Variants in CACNG2 observed in about 807,000 individuals in gnomAD.
CACNG2 encodes the protein voltage-dependent calcium channel gamma-2 subunit.
CACNG2 carries 3 observed loss-of-function variants against 25.9 expected under a neutral mutation model. The ratio of observed to expected loss-of-function variants is 0.12; its 90% CI spans 0.05 to 0.30. CACNG2 has a LOEUF of 0.30. CACNG2 is among the 10% of genes least tolerant of loss of function. The probability of loss-of-function intolerance (pLI) is 1.00; values close to 1 mark genes in which losing one functional copy is unlikely to be tolerated. For missense variants in CACNG2, 341 were observed against 432.5 expected, an observed-to-expected ratio of 0.79 and a Z score of 1.88; for synonymous variants, 167 against 173.3, an observed-to-expected ratio of 0.96 and a Z score of 0.29.
rs1569049917 is a variant in CACNG2, at chr22:36,679,231, C to CTTTCTTTCTTTCTTTCTTTCTTTCT, written c.211+23134_211+23135insAGAAAGAAAGAAAGAAAGAAAGAAA. Among the ~76,000 whole-genome samples, 19 of 86,732 alleles carry CTTTCTTTCTTTCTTTCTTTCTTTCT rather than the reference C, an allele frequency of 2.2e-4. 1 individual carries two copies. The highest frequency in any genetic ancestry group is 1.1e-3 in the African/African-American group (19 of 17,372). The allele number at this position is 86,732 out of a possible 152,430, so 56.9% of individuals were successfully genotyped here. ...CTTTCTTTCTTTCTTTCTTTCTTTC[C>CTTTCTTTCTTTCTTTCTTTCTTTCT]TTCTTTCTTTCTTTCTTTTCTTTAA... On this transcript the variant is annotated intron_variant, in intron 1 of 3. Transcript: ENST00000300105.
intron 1 of CACNG2, among the ~76,000 whole-genome samples, chr22:36,660,148 C>T (rs1367164179): frequency 1.3e-5 from 2 of 152,250 alleles, no homozygotes; most frequent in African/African-American, 2.4e-5. Context: ...GTGTCATTGT[C>T]CCTCACTAGG....
At chr22:36,673,550 C>A (rs1601448657) in intron 1 of CACNG2, among the ~76,000 whole-genome samples, 1 of 152,114 alleles carries the variant, frequency 6.6e-6, no homozygotes, top group Non-Finnish European at 1.5e-5. Flanking sequence ...CAGTGCAAAG[C>A]ACCATCAGGG....
intron 1 of CACNG2, among the ~76,000 whole-genome samples, chr22:36,702,144 G>C (rs1231221161): frequency 1.3e-5 from 2 of 152,082 alleles, no homozygotes; most frequent in Admixed American, 1.3e-4. Context: ...GAGGATGTTT[G>C]AGGGGATGAG....
At chr22:36,698,707 A>T (rs1449769472) in intron 1 of CACNG2, among the ~76,000 whole-genome samples, 1 of 152,170 alleles carries the variant, frequency 6.6e-6, no homozygotes, top group Non-Finnish European at 1.5e-5. Context: ...CAGCAGAGGG[A>T]ATTTGACAGC....
At chr22:36,632,185 T>A (rs991485114) in intron 1 of CACNG2, among the ~76,000 whole-genome samples, 23 of 150,116 alleles carry the variant, frequency 1.5e-4, no homozygotes, top group Non-Finnish European at 2.2e-4. Context: ...CTTTTTTTTT[T>A]AAAAAAATGA....
rs201168353 is a variant in CACNG2, at chr22:36,702,732, T to TA, written c.-157dup. ...TATGAATAGAGAATATGGAGAGTTA[T>TA]AAAAAAAGGGAGGTAAGAAAGCTCA... On this transcript the variant is annotated 5_prime_UTR_variant, in exon 1 of 4. Coordinates refer to ENST00000300105, the MANE Select transcript of CACNG2 (RefSeq NM_006078.5). 2.5e-5 allele frequency: 15 copies of TA among 605,376 alleles called. No homozygotes were observed. The highest frequency in any genetic ancestry group is 9.4e-5 in the African/African-American group (5 of 52,962). 37.5% of individuals were successfully genotyped at this position (605,376 alleles called of 1,614,324 possible).
Position 36,561,308 on chromosome 22 carries a change from C to T in CACNG2, c.*3043G>A, listed in dbSNP as rs1284388514. On this transcript the variant is annotated 3_prime_UTR_variant, in exon 4 of 4. Coordinates refer to ENST00000300105, the MANE Select transcript of CACNG2 (RefSeq NM_006078.5). ...GGGGACCCTCCCTTCTCCCTTCGCT[C>T]TCATCCTTGATCCCTTTAGGTCTGG... The T allele has an allele frequency of 6.6e-6, 1 of 152,306 alleles. No homozygotes were observed. Among genetic ancestry groups the T allele is most frequent in the Non-Finnish European group, 1.5e-5 (1 of 68,112 alleles). The allele number at this position is 152,306 out of a possible 1,614,324, so 9.4% of individuals were successfully genotyped here.
chr22:36,602,616 C>T (rs924916306), intron 1 of CACNG2, among the ~76,000 whole-genome samples: 3 of 152,112 alleles, frequency 2.0e-5, no homozygotes, highest in Non-Finnish European at 2.9e-5. Context: ...GAACTCCTGA[C>T]CTCAGGTGAT....
chr22:36,697,409 G>A (rs996769126), intron 1 of CACNG2, among the ~76,000 whole-genome samples: 3 of 152,184 alleles, frequency 2.0e-5, no homozygotes, highest in South Asian at 2.1e-4. Flanking sequence ...CGTGGCTTGG[G>A]TCTACTGCCC....
At chr22:36,659,318 G>GT (rs1311638539) in intron 1 of CACNG2, among the ~76,000 whole-genome samples, 1 of 152,158 alleles carries the variant, frequency 6.6e-6, no homozygotes, top group Non-Finnish European at 1.5e-5. Flanking sequence ...GAGTCAGGGA[G>GT]TGGGGAGAGG....
At chr22:36,618,483 T>A (rs1216141156) in intron 1 of CACNG2, among the ~76,000 whole-genome samples, 1 of 152,252 alleles carries the variant, frequency 6.6e-6, no homozygotes, top group Non-Finnish European at 1.5e-5. Flanking sequence ...GGCTTACCTT[T>A]CTCTAGTCCT....
intron 1 of CACNG2, among the ~76,000 whole-genome samples, chr22:36,654,827 C>T (rs1936679281): frequency 6.6e-6 from 1 of 152,182 alleles, no homozygotes; most frequent in South Asian, 2.1e-4. Context: ...AACAAGTTCT[C>T]AGCTCCTTTA....
At chr22:36,570,851 G>C (rs980966999) in intron 2 of CACNG2, among the ~76,000 whole-genome samples, 2 of 151,828 alleles carry the variant, frequency 1.3e-5, no homozygotes, top group African/African-American at 4.8e-5. Context: ...CCCAGATCCA[G>C]GTGGGAAGGA....
intron 1 of CACNG2, among the ~76,000 whole-genome samples, chr22:36,698,517 G>A (rs796813843): frequency 9.2e-5 from 14 of 152,248 alleles, no homozygotes; most frequent in South Asian, 2.1e-4. Context: ...TGAGCCGAGC[G>A]TGGAGCACTG....
intron 1 of CACNG2, among the ~76,000 whole-genome samples, chr22:36,628,328 G>T (rs557989874): frequency 1.3e-5 from 2 of 152,174 alleles, no homozygotes; most frequent in Non-Finnish European, 2.9e-5. Flanking sequence ...CAACACCCTT[G>T]CCCAGATGGA....
chr22:36,617,289 A>C (rs902031199), intron 1 of CACNG2, among the ~76,000 whole-genome samples: 2 of 152,206 alleles, frequency 1.3e-5, no homozygotes, highest in African/African-American at 4.8e-5. Flanking sequence ...TTTTTTAAAA[A>C]TCCATTACAG....
chr22:36,571,546 T>C (rs546497598), intron 2 of CACNG2, among the ~76,000 whole-genome samples: 1 of 151,800 alleles, frequency 6.6e-6, no homozygotes, highest in East Asian at 2.0e-4. Context: ...AGAGCAAGAT[T>C]TGCATGCATA....
At chr22:36,632,218 C>T (rs1936283020) in intron 1 of CACNG2, among the ~76,000 whole-genome samples, 1 of 151,738 alleles carries the variant, frequency 6.6e-6, no homozygotes, top group South Asian at 2.1e-4. Flanking sequence ...TGTCGGCTGC[C>T]CCAGATGGTC....
intron 1 of CACNG2, among the ~76,000 whole-genome samples, chr22:36,656,377 G>A (rs777211238): frequency 3.9e-5 from 6 of 152,128 alleles, no homozygotes; most frequent in Non-Finnish European, 8.8e-5. Flanking sequence ...TTTGACTCCT[G>A]TCTTTTTCTA....
Sources: allele counts gnomAD v4.1 joint callset (sites outside exome capture counted in the v4.1 genomes callset), GRCh38; gene constraint gnomAD v4.1.1; transcripts MANE v1.5; gene names NCBI Gene and HGNC (gene_info 2026-07-23, HGNC 2026-07-21).